Variants in HHAT observed in about 807,000 individuals in gnomAD.
HHAT encodes protein-cysteine N-palmitoyltransferase HHAT.
Under a neutral mutation model 70.8 loss-of-function variants are expected in HHAT, and 47 were observed. That is an observed-to-expected ratio of 0.66 (90% confidence interval 0.53 to 0.85). The LOEUF is 0.85. HHAT is among the 40% of genes least tolerant of loss of function. The pLI is 0.00. For missense variants in HHAT, 609 were observed against 604.8 expected, an observed-to-expected ratio of 1.01 and a Z score of -0.07; for synonymous variants, 228 against 247.6, an observed-to-expected ratio of 0.92 and a Z score of 0.74.
Position 210,474,052 on chromosome 1 carries a change from A to G in HHAT, c.1007+9397A>G, listed in dbSNP as rs537155843. The stretch of plus-strand genomic sequence containing the variant: ...TTTCTGCCTTTAGTCATCAGCTGAG[A>G]CTTCATCTTCTACACTCCATCTAAA... On this transcript the variant is annotated intron_variant, in intron 8 of 11. Transcript: ENST00000261458. Among the ~76,000 whole-genome samples the G allele has an allele frequency of 2.0e-5, 3 of 152,244 alleles. No homozygotes were observed. The South Asian group carries it at 6.2e-4, about 32-fold the overall frequency.
At chr1:210,471,809 C>T (rs1393534137) in intron 8 of HHAT, among the ~76,000 whole-genome samples, 2 of 152,072 alleles carry the variant, frequency 1.3e-5, no homozygotes, top group Non-Finnish European at 2.9e-5. Context: ...AACTGTTTTC[C>T]AATATCAAAT....
intron 9 of HHAT, among the ~76,000 whole-genome samples, chr1:210,585,156 C>T (rs1314603363): frequency 1.3e-5 from 2 of 149,500 alleles, no homozygotes. Context: ...GTTGGCTGTA[C>T]AGATGCAGAT....
intron 4 of HHAT, among the ~76,000 whole-genome samples, chr1:210,393,988 T>G (rs2091619426): frequency 6.6e-6 from 1 of 152,184 alleles, no homozygotes; most frequent in African/African-American, 2.4e-5. Flanking sequence ...TGGTACTTAC[T>G]CAGAGTGGAA....
rs2088505169 is a variant in HHAT, at chr1:210,362,894, A to G, written c.134A>G (p.Asp45Gly). The G allele has an allele frequency of 2.5e-6, 4 of 1,613,602 alleles. No individual in the cohort carries two copies. Among genetic ancestry groups the G allele is most frequent in the Non-Finnish European group, 3.4e-6 (4 of 1,179,660 alleles). The change falls in exon 3 of 12, where the codon GAC (aspartate) becomes GGC (glycine). Residue 45 changes from aspartate (D) to glycine (G), a missense_variant. Asp to Gly is a moderately conservative substitution (Grantham distance 94, BLOSUM62 -1). Coordinates refer to ENST00000261458, the MANE Select transcript of HHAT (RefSeq NM_018194.6). ...GACCAGGAATTTGAGCTGGAGACTG[A>G]CACTTTATTTGGAGGATTAAAGAAG... The part of the protein sequence containing the change: ...ELDQEFELET[D>G]TLFGGLKKDA...
intron 8 of HHAT, among the ~76,000 whole-genome samples, chr1:210,497,076 T>G (rs966434684): frequency 1.3e-5 from 2 of 152,206 alleles, no homozygotes; most frequent in Non-Finnish European, 2.9e-5. Flanking sequence ...TTTATTCTTC[T>G]TATGAGTGTG....
At position 210,386,230 on chromosome 1, in the gene HHAT, C is replaced by CTTTCTTTTTTTTTTTTTTTTTTT. The variant is rs1324452281; in HGVS notation, c.160-1235_160-1234insCTTTTTTTTTTTTTTTTTTTTTT. Among the ~76,000 whole-genome samples the CTTTCTTTTTTTTTTTTTTTTTTT allele has an allele frequency of 4.2e-3, 291 of 69,912 alleles. 43 individuals are homozygous for CTTTCTTTTTTTTTTTTTTTTTTT. The highest frequency in any genetic ancestry group is 8.6e-3 in the Middle Eastern group (1 of 116). The allele number at this position is 69,912 out of a possible 152,430, so 45.9% of individuals were successfully genotyped here. ...ATTGCAGGAGTCCTTTTCTTTTTTT[C>CTTTCTTTTTTTTTTTTTTTTTTT]TTTTTTTTTTTTTTTTTTTTTTTTT... On this transcript the variant is annotated intron_variant, in intron 3 of 11. Coordinates refer to ENST00000261458, the MANE Select transcript of HHAT (RefSeq NM_018194.6).
intron 11 of HHAT, among the ~76,000 whole-genome samples, chr1:210,664,083 C>T (rs541834462): frequency 1.1e-4 from 17 of 152,216 alleles, no homozygotes; most frequent in Admixed American, 2.0e-4. Context: ...ATCTCCCCCA[C>T]GTTTGGAGTT....
chr1:210,387,404 G>C, intron 3 of HHAT, 64 bp from the exon 4 acceptor site: 1 of 1,314,658 alleles, frequency 7.6e-7, no homozygotes, highest in Non-Finnish European at 1.1e-6. Flanking sequence ...TTATTAACTG[G>C]AGTTTGTGTT....
At chr1:210,387,393 T>G in intron 3 of HHAT, 75 bp from the exon 4 acceptor site, 1 of 1,257,940 alleles carries the variant, frequency 7.9e-7, no homozygotes, top group East Asian at 2.3e-5. Flanking sequence ...TCTTTCCAGT[T>G]TTATTAACTG....
At chr1:210,416,387 C>T (rs2092722059) in intron 6 of HHAT, among the ~76,000 whole-genome samples, 1 of 152,224 alleles carries the variant, frequency 6.6e-6, no homozygotes, top group Non-Finnish European at 1.5e-5. Flanking sequence ...AGTCTGTCCT[C>T]TGCATTTCAA....
In HHAT at chr1:210,674,363, C is replaced by T. The variant is rs770356363; in HGVS notation, c.1466C>T (p.Thr489Ile). 6 of 1,613,968 alleles carry T rather than the reference C, an allele frequency of 3.7e-6. No homozygotes were observed. The highest frequency in any genetic ancestry group is 4.2e-6 in the Non-Finnish European group (5 of 1,179,944). ...YSHVGIAWAQ[T>I]YATD ...CACGTGGGCATTGCCTGGGCCCAGA[C>T]CTACGCCACGGACTAATGCTGTTGG... Residue 489 changes from threonine to isoleucine, a missense_variant, in exon 12 of 12, where the codon ACC (threonine) becomes ATC (isoleucine). By Grantham distance (89) the Thr-to-Ile change is moderately conservative. Transcript: ENST00000261458.
At chr1:210,612,601 T>C (rs1051359859) in intron 10 of HHAT, among the ~76,000 whole-genome samples, 1 of 152,222 alleles carries the variant, frequency 6.6e-6, no homozygotes. Flanking sequence ...ATAATACTGC[T>C]GTGTACACTG....
At chr1:210,559,598 C>T (rs2095603155) in intron 9 of HHAT, among the ~76,000 whole-genome samples, 1 of 152,162 alleles carries the variant, frequency 6.6e-6, no homozygotes, top group Admixed American at 6.5e-5. Flanking sequence ...CATCTTTCCG[C>T]CATACAATTA....
At chr1:210,659,459 AG>A (rs201159099) in intron 11 of HHAT, among the ~76,000 whole-genome samples, 7,268 of 152,240 alleles carry the variant, frequency 0.048, 312 homozygotes, top group African/African-American at 0.11. Context: ...AACCAAAAAA[AG>A]TCCAGGACCA....
chr1:210,353,434 GTTTTT>G (rs10541502), intron 2 of HHAT, among the ~76,000 whole-genome samples: 52 of 114,418 alleles, frequency 4.5e-4, no homozygotes, highest in East Asian at 7.0e-4. Flanking sequence ...GAAGTCACCT[GTTTTT>G]TTTTTTTTTT....
intron 10 of HHAT, among the ~76,000 whole-genome samples, chr1:210,597,765 G>A (rs1055167549): frequency 1.1e-4 from 16 of 152,126 alleles, no homozygotes; most frequent in Admixed American, 9.8e-4. Flanking sequence ...GTACAGAAAT[G>A]TCTGAGCCAA....
chr1:210,452,505 C>T (rs1004125432), intron 7 of HHAT, among the ~76,000 whole-genome samples: 7 of 152,192 alleles, frequency 4.6e-5, no homozygotes, highest in Admixed American at 6.5e-5. Context: ...TACTCTCTCC[C>T]GTATTGTTTT....
chr1:210,651,833 G>A (rs1326868282), intron 11 of HHAT, among the ~76,000 whole-genome samples: 1 of 152,236 alleles, frequency 6.6e-6, no homozygotes, highest in African/African-American at 2.4e-5. Context: ...AGTAAGTAAA[G>A]CAGCCCTGGT....
At chr1:210,630,642 C>A (rs1280782160) in intron 11 of HHAT, among the ~76,000 whole-genome samples, 1 of 152,230 alleles carries the variant, frequency 6.6e-6, no homozygotes, top group South Asian at 2.1e-4. Context: ...ATCTCTCCCA[C>A]CCGCTCTCAG....
Sources: gnomAD v4.1 joint callset for allele counts (sites outside exome capture counted in the v4.1 genomes callset) on GRCh38, gnomAD v4.1.1 for gene constraint, MANE v1.5 for transcripts, NCBI Gene and HGNC (gene_info 2026-07-23, HGNC 2026-07-21) for gene names.